SGK3: variants seen among roughly 807,000 people sequenced by gnomAD.
SGK3 encodes serine/threonine-protein kinase Sgk3.
SGK3 carries 47 observed loss-of-function variants against 68.5 expected under a neutral mutation model. The ratio of observed to expected loss-of-function variants is 0.69; its 90% confidence interval spans 0.54 to 0.87. SGK3 has a LOEUF of 0.87. SGK3 is among the 40% of genes least tolerant of loss of function. The pLI is 0.00. For synonymous variants in SGK3, 181 were observed against 189.1 expected, an observed-to-expected ratio of 0.96 and a Z score of 0.35; for missense variants, 479 against 575.5, an observed-to-expected ratio of 0.83 and a Z score of 1.72.
At chr8:66,762,758 C>A (rs1806212538) in intron 1 of SGK3, among the ~76,000 whole-genome samples, 1 of 151,640 alleles carries the variant, frequency 6.6e-6, no homozygotes, top group Non-Finnish European at 1.5e-5. Flanking sequence ...TTCTTTTTTC[C>A]CTTATAATTT....
intron 1 of SGK3, among the ~76,000 whole-genome samples, chr8:66,754,687 A>G (rs1301080977): frequency 6.6e-6 from 1 of 152,266 alleles, no homozygotes; most frequent in Non-Finnish European, 1.5e-5. Flanking sequence ...CAAAATTTGT[A>G]TGCATTGAAC....
intron 1 of SGK3, among the ~76,000 whole-genome samples, chr8:66,792,732 A>G (rs927776362): frequency 3.9e-5 from 6 of 152,174 alleles, no homozygotes; most frequent in Non-Finnish European, 7.3e-5. Flanking sequence ...AAACAAAAAA[A>G]AAGTATTGTT....
intron 1 of SGK3, among the ~76,000 whole-genome samples, chr8:66,732,239 A>G (rs1354237560): frequency 6.6e-6 from 1 of 152,226 alleles, no homozygotes; most frequent in Non-Finnish European, 1.5e-5. Flanking sequence ...AAATGTTTCA[A>G]CATATAAACA....
At chr8:66,714,926 C>T (rs2130310939) in intron 1 of SGK3, among the ~76,000 whole-genome samples, 1 of 152,302 alleles carries the variant, frequency 6.6e-6, no homozygotes, top group Middle Eastern at 3.4e-3. Context: ...CTGTAATAAA[C>T]ATCTGTGGAA....
At chr8:66,852,500 C>T (rs1016240302) in intron 16 of SGK3, among the ~76,000 whole-genome samples, 5 of 151,824 alleles carry the variant, frequency 3.3e-5, no homozygotes, top group Admixed American at 6.6e-5. Context: ...CAGATGGTGT[C>T]GATCTTTTGA....
intron 16 of SGK3, among the ~76,000 whole-genome samples, chr8:66,857,049 C>A (rs574359182): frequency 1.3e-5 from 2 of 152,116 alleles, no homozygotes; most frequent in East Asian, 3.9e-4. Flanking sequence ...GCCAAGATCA[C>A]GCCACTGCAC....
chr8:66,823,714 A>AG (rs1808939539), intron 6 of SGK3, among the ~76,000 whole-genome samples: 1 of 146,272 alleles, frequency 6.8e-6, no homozygotes, highest in African/African-American at 2.7e-5. Flanking sequence ...TTTTTAAACT[A>AG]GATGTGATAG....
intron 1 of SGK3, among the ~76,000 whole-genome samples, chr8:66,727,462 G>A (rs1232271275): frequency 6.6e-6 from 1 of 152,096 alleles, no homozygotes; most frequent in Admixed American, 6.6e-5. Flanking sequence ...CATGATCCTG[G>A]GCAAAGATGG....
At chr8:66,784,088 A>G (rs977338792) in intron 1 of SGK3, among the ~76,000 whole-genome samples, 7 of 151,648 alleles carry the variant, frequency 4.6e-5, no homozygotes, top group African/African-American at 1.5e-4. Flanking sequence ...TTTTGTGGAG[A>G]CAGGCTCTCA....
At position 66,767,494 on chromosome 8, in the gene SGK3, G is replaced by A. The variant is rs768675734; in HGVS notation, c.-121-26122G>A. 5 of 1,504,904 alleles carry A rather than the reference G, an allele frequency of 3.3e-6. No individual in the cohort carries two copies. In the African/African-American group the frequency reaches 4.1e-5, roughly 12 times the overall value. 93.2% of individuals were successfully genotyped at this position (1,504,904 alleles called of 1,614,324 possible). On this transcript the variant is annotated intron_variant, in intron 1 of 16. Coordinates refer to ENST00000521198, the MANE Select transcript of SGK3 (RefSeq NM_001033578.3). ...CAACAGATTGGATTTCCATGGTGGA[G>A]AGGGCATCTTCAAAGGTGAAGGGGG...
At chr8:66,744,524 T>TGTTGTTGTTG (rs1324906931) in intron 1 of SGK3, among the ~76,000 whole-genome samples, 1 of 98,736 alleles carries the variant, frequency 1.0e-5, no homozygotes, top group African/African-American at 4.7e-5. Context: ...TATATATTTT[T>TGTTGTTGTTG]TTTTTTTTTT....
chr8:66,757,344 A>G (rs577155272), intron 1 of SGK3, among the ~76,000 whole-genome samples: 10 of 150,976 alleles, frequency 6.6e-5, no homozygotes, highest in African/African-American at 1.9e-4. Flanking sequence ...TCACCATGTT[A>G]CCCAAGCTGG....
chr8:66,853,833 T>C (rs987852900), intron 16 of SGK3, among the ~76,000 whole-genome samples: 1 of 152,246 alleles, frequency 6.6e-6, no homozygotes, highest in Non-Finnish European at 1.5e-5. Context: ...TAAAATGGGC[T>C]AATACAAACC....
chr8:66,839,539 A>ATATATG lies in SGK3; in HGVS notation c.742-459_742-458insGTATAT, dbSNP rs1563654623. 8.2e-4 allele frequency among the ~76,000 whole-genome samples: 57 copies of ATATATG among 69,808 alleles called. 1 individual carries two copies. Among genetic ancestry groups the ATATATG allele is most frequent in the South Asian group, 2.7e-3 (6 of 2,238 alleles). The allele number at this position is 69,808 out of a possible 152,430, so 45.8% of individuals were successfully genotyped here. ...TATATATATATATATATATATATATATATATATATATATATATATTTTCAT... is the reference window on the plus strand; with the variant it reads ...TATATATATATATATATATATATATATATATGTATATATATATATATATATTTTCAT... On this transcript the variant is annotated intron_variant, in intron 10 of 16. Transcript: ENST00000521198.
chr8:66,753,173 G>A (rs1805873934), intron 1 of SGK3, among the ~76,000 whole-genome samples: 1 of 152,102 alleles, frequency 6.6e-6, no homozygotes, highest in Non-Finnish European at 1.5e-5. Context: ...CACGAGATAG[G>A]TACCATTATT....
chr8:66,797,972 TTTTTCTGACCTCA>T (rs1807767899), intron 2 of SGK3, among the ~76,000 whole-genome samples: 1 of 152,178 alleles, frequency 6.6e-6, no homozygotes, highest in Admixed American at 6.5e-5. Flanking sequence ...ATCACCTATT[TTTTTCTGACCTCA>T]TTTTCTTCCC....
chr8:66,835,819 G>A lies in SGK3; in HGVS notation c.582G>A (p.Gln194=), dbSNP rs751015566. The change falls in exon 9 of 17, where the codon CAG becomes CAA. Residue 194 remains glutamine, a synonymous_variant. Transcript: ENST00000521198. ...DGKFYAVKVL[Q]KKIVLNRKEQ... ...AATTTTATGCTGTCAAAGTGTTACA[G>A]AAAAAAATAGTTCTCAACAGAAAAG... 2.9e-5 allele frequency: 46 copies of A among 1,609,578 alleles called. No individual in the cohort carries two copies. Among genetic ancestry groups the A allele is most frequent in the Middle Eastern group, 3.3e-4 (2 of 6,058 alleles).
chr8:66,758,270 C>T (rs1218696122), intron 1 of SGK3, among the ~76,000 whole-genome samples: 4 of 151,956 alleles, frequency 2.6e-5, no homozygotes, highest in Non-Finnish European at 5.9e-5. Flanking sequence ...ATGAGAATAG[C>T]TTGAACCTGG....
At chr8:66,775,796 G>A (rs1435795026) in intron 1 of SGK3, among the ~76,000 whole-genome samples, 2 of 151,610 alleles carry the variant, frequency 1.3e-5, no homozygotes, top group Non-Finnish European at 2.9e-5. Context: ...AACATGGACA[G>A]CAGGGGTTAC....
Sources: gnomAD v4.1 joint callset for allele counts (sites outside exome capture counted in the v4.1 genomes callset) on GRCh38, gnomAD v4.1.1 for gene constraint, MANE v1.5 for transcripts, NCBI Gene and HGNC (gene_info 2026-07-23, HGNC 2026-07-21) for gene names.